Variants in AMD1 observed in about 807,000 individuals in gnomAD.
The protein encoded by AMD1 is adenosylmethionine decarboxylase 1, also known as S-adenosylmethionine decarboxylase proenzyme.
In AMD1, 11 loss-of-function variants were observed where a neutral mutation model predicts 40.2. The observed-to-expected ratio is 0.27, with a 90% confidence interval of 0.17 to 0.45. The LOEUF (loss-of-function observed/expected upper bound fraction) is 0.45, where lower values mean the gene tolerates loss of function less well. Ranked by LOEUF, AMD1 falls within the 20% of genes least tolerant of loss-of-function variation. The probability of loss-of-function intolerance (pLI) is 1.00; values close to 1 mark genes in which losing one functional copy is unlikely to be tolerated. For missense variants in AMD1, 257 were observed against 410.2 expected, an observed-to-expected ratio of 0.63 and a Z score of 3.23; for synonymous variants, 121 against 130.8, an observed-to-expected ratio of 0.93 and a Z score of 0.51.
chr6:110,817,390 A>T, the AMD1 span, among the ~76,000 whole-genome samples: 3 of 152,170 alleles, frequency 2.0e-5, no homozygotes, highest in East Asian at 3.9e-4. Flanking sequence ...CGGGTGGATC[A>T]CGAGGTCTGG....
intron 4 of AMD1, chr6:110,891,930 A>AT: frequency 1.8e-6 from 1 of 556,328 alleles, no homozygotes; most frequent in South Asian, 2.1e-5. Flanking sequence ...TTTAGTAGCG[A>AT]TGGGGTTTCA....
At chr6:110,839,057 G>A in the AMD1 span, among the ~76,000 whole-genome samples, 6 of 152,266 alleles carry the variant, frequency 3.9e-5, no homozygotes, top group East Asian at 3.9e-4. Flanking sequence ...ATGAGCCACC[G>A]CGCCTGGCCC....
At chr6:110,848,367 C>T in the AMD1 span, among the ~76,000 whole-genome samples, 214 of 152,014 alleles carry the variant, frequency 1.4e-3, 1 homozygote, top group Non-Finnish European at 2.5e-3. Context: ...ACTAAAAATA[C>T]AAAAATTAGC....
chr6:110,851,595 T>C, the AMD1 span, among the ~76,000 whole-genome samples: 1 of 152,132 alleles, frequency 6.6e-6, no homozygotes, highest in African/African-American at 2.4e-5. Flanking sequence ...CCTGAGTGGC[T>C]GGGATTACAG....
chr6:110,867,248 G>A, the AMD1 span, among the ~76,000 whole-genome samples: 12 of 151,156 alleles, frequency 7.9e-5, no homozygotes, highest in East Asian at 7.8e-4. Flanking sequence ...CCTGGGTTCC[G>A]AGCAATCCTC....
At chr6:110,869,133 T>C in the AMD1 span, among the ~76,000 whole-genome samples, 2 of 152,136 alleles carry the variant, frequency 1.3e-5, no homozygotes, top group Non-Finnish European at 2.9e-5. Context: ...TTCATTACTT[T>C]AGCTTCTTTT....
intron 1 of AMD1, among the ~76,000 whole-genome samples, chr6:110,882,102 A>G (rs1409551269): frequency 6.6e-6 from 1 of 152,232 alleles, no homozygotes; most frequent in Non-Finnish European, 1.5e-5. Flanking sequence ...CACTATCACT[A>G]CTGAGCCTGA....
At chr6:110,893,361 A>G (rs890381914) in intron 8 of AMD1, 115 bp from the exon 9 acceptor site, 2 of 1,415,684 alleles carry the variant, frequency 1.4e-6, no homozygotes, top group South Asian at 2.7e-5. Context: ...GAAGGCAGCT[A>G]AAATAACTCA....
chr6:110,826,979 A>G, the AMD1 span, among the ~76,000 whole-genome samples: 2 of 152,134 alleles, frequency 1.3e-5, no homozygotes, highest in South Asian at 2.1e-4. Context: ...GGCCTGAGCC[A>G]CTGCACCAGG....
At chr6:110,890,783 C>G (rs1360226132) in intron 4 of AMD1, 1 of 152,776 alleles carries the variant, frequency 6.5e-6, no homozygotes, top group African/African-American at 2.4e-5. Flanking sequence ...GTTACTGCAC[C>G]TGGTCCATAT....
chr6:110,815,434 C>T, the AMD1 span: 2 of 261,366 alleles, frequency 7.7e-6, no homozygotes, highest in South Asian at 1.1e-4. Flanking sequence ...TGGTGGGCCG[C>T]GCCGTGGCTT....
At chr6:110,862,942 T>C in the AMD1 span, among the ~76,000 whole-genome samples, 1 of 150,856 alleles carries the variant, frequency 6.6e-6, no homozygotes, top group Non-Finnish European at 1.5e-5. Context: ...TTGTTTTTGT[T>C]TGTTTTTGTT....
chr6:110,874,777 G>C (rs963087831), upstream of AMD1: 10 of 199,626 alleles, frequency 5.0e-5, no homozygotes, highest in Admixed American at 1.8e-4. Context: ...TGCTCACGCA[G>C]CGCTCTCGCT....
chr6:110,828,363 G>A, the AMD1 span, among the ~76,000 whole-genome samples: 1 of 151,760 alleles, frequency 6.6e-6, no homozygotes, highest in African/African-American at 2.4e-5. Flanking sequence ...CAACCCAGAG[G>A]CAGAGGTTGC....
chr6:110,881,097 TTG>T (rs1169854601), intron 1 of AMD1, among the ~76,000 whole-genome samples: 1 of 152,204 alleles, frequency 6.6e-6, no homozygotes, highest in Non-Finnish European at 1.5e-5. Context: ...GACATACAAT[TTG>T]TGTGCTGTTA....
At chr6:110,862,180 T>C in the AMD1 span, among the ~76,000 whole-genome samples, 1 of 151,826 alleles carries the variant, frequency 6.6e-6, no homozygotes, top group African/African-American at 2.4e-5. Flanking sequence ...CGCTAATTTT[T>C]TTATTATATT....
the AMD1 span, among the ~76,000 whole-genome samples, chr6:110,857,736 A>G: frequency 6.8e-6 from 1 of 147,444 alleles, no homozygotes; most frequent in Admixed American, 6.9e-5. Context: ...GTGTGTATAT[A>G]TATATATAGA....
At chr6:110,860,723 A>T in the AMD1 span, among the ~76,000 whole-genome samples, 1 of 151,702 alleles carries the variant, frequency 6.6e-6, no homozygotes, top group East Asian at 1.9e-4. Context: ...TCCCTTGAAC[A>T]CGGGAGGTGG....
At chr6:110,875,518 G>A (rs1043086687) in intron 1 of AMD1, 1 of 280,340 alleles carries the variant, frequency 3.6e-6, no homozygotes, top group East Asian at 6.4e-5. Flanking sequence ...GGCGCGGCCC[G>A]GGGTGGTTTT....
Sources: gnomAD v4.1 joint callset for allele counts (sites outside exome capture counted in the v4.1 genomes callset) on GRCh38, gnomAD v4.1.1 for gene constraint, MANE v1.5 for transcripts, NCBI Gene and HGNC (gene_info 2026-07-23, HGNC 2026-07-21) for gene names.